The following CDC25C variants were observed in gnomAD, a reference collection of about 807,000 sequenced individuals.
The protein encoded by CDC25C is cell division cycle 25C.
Under a neutral mutation model 52.5 loss-of-function variants are expected in CDC25C, and 48 were observed. The observed-to-expected ratio is 0.91, with a 90% confidence interval of 0.72 to 1.16. The LOEUF is 1.16. Ranked by LOEUF, CDC25C falls within the 50% of genes most tolerant of loss-of-function variation. CDC25C has a pLI of 0.00. For synonymous variants in CDC25C, 187 were observed against 206.5 expected, an observed-to-expected ratio of 0.91 and a Z score of 0.81; for missense variants, 510 against 566.1, an observed-to-expected ratio of 0.90 and a Z score of 1.01.
intron 4 of CDC25C, among the ~76,000 whole-genome samples, chr5:138,327,523 C>T (rs1181301508): frequency 1.3e-5 from 2 of 151,876 alleles, no homozygotes; most frequent in East Asian, 3.9e-4. Context: ...GTAATCCCAG[C>T]TACTCGGGAG....
At chr5:138,295,323 T>G (rs1190977536) in intron 7 of CDC25C, among the ~76,000 whole-genome samples, 1 of 152,132 alleles carries the variant, frequency 6.6e-6, no homozygotes, top group African/African-American at 2.4e-5. Context: ...AAACAGCTAC[T>G]TCAGCGGCCA....
At chr5:138,328,886 CAT>C (rs973875581) in intron 3 of CDC25C, 2 of 184,544 alleles carry the variant, frequency 1.1e-5, no homozygotes, top group Admixed American at 1.1e-4. Context: ...TCATATAAAA[CAT>C]ATAAAAATTA....
chr5:138,286,359 A>C, intron 12 of CDC25C, 138 bp downstream of exon 12: 1 of 1,049,688 alleles, frequency 9.5e-7, no homozygotes, highest in Non-Finnish European at 1.4e-6. Context: ...CAAACTTTTC[A>C]ATTTTAGAAA....
intron 7 of CDC25C, among the ~76,000 whole-genome samples, chr5:138,292,712 A>C (rs1756853073): frequency 6.6e-6 from 1 of 152,230 alleles, no homozygotes; most frequent in Non-Finnish European, 1.5e-5. Flanking sequence ...CTCAAACGTC[A>C]TGAAGAACTA....
chr5:138,302,279 G>A (rs191928511), intron 7 of CDC25C, among the ~76,000 whole-genome samples: 2 of 151,956 alleles, frequency 1.3e-5, no homozygotes, highest in East Asian at 2.0e-4. Flanking sequence ...TTACAGGCAT[G>A]AGCCACCGTG....
intron 7 of CDC25C, among the ~76,000 whole-genome samples, chr5:138,316,937 C>T (rs144755037): frequency 9.4e-4 from 143 of 152,186 alleles, no homozygotes; most frequent in Middle Eastern, 6.8e-3. Context: ...CTTACCTCGA[C>T]GCAGGACAAC....
chr5:138,336,104 G>A (rs755392219), upstream of CDC25C, among the ~76,000 whole-genome samples: 30 of 150,224 alleles, frequency 2.0e-4, no homozygotes, highest in African/African-American at 5.1e-4. Flanking sequence ...GTTCACACCT[G>A]GAATCCCAGC....
chr5:138,286,619 G>A lies in CDC25C; in HGVS notation c.1038C>T (p.Asn346=), dbSNP rs1756261833. ...YLGGHIQGAL[N]LYSQEELFNF... ...TAAACAGTTCTTCCTGACTATATAA[G>A]TTTAAGGCTCCCTGTAGAAGAAGAA... is the stretch of plus-strand genomic sequence containing the variant. The change falls in exon 12 of 14, where the codon AAC becomes AAT. Residue 346 remains asparagine, a synonymous_variant. Transcript: ENST00000323760. The A allele has an allele frequency of 1.9e-6, 3 of 1,611,636 alleles. No homozygotes were observed. In the East Asian group the frequency reaches 6.7e-5, roughly 36 times the overall value.
chr5:138,286,050 C>T lies in CDC25C; in HGVS notation c.1244G>A (p.Gly415Asp), dbSNP rs536813123. ...YYPELYILKGGYRDFFPEYME... is the reference protein window; with the variant it reads ...YYPELYILKGDYRDFFPEYME... ...ATATTCTGGAAAGAAGTCTCTGTAG[C>T]CGCCTTTAAGGATATATAGCTCTGG... Residue 415 changes from glycine to aspartate, a missense_variant, in exon 13 of 14, where the codon GGC becomes GAC. By Grantham distance (94) the Gly-to-Asp change is moderately conservative. Coordinates refer to ENST00000323760, the MANE Select transcript of CDC25C (RefSeq NM_001790.5). 1 of 1,613,758 alleles carries T rather than the reference C, an allele frequency of 6.2e-7. No individual in the cohort carries two copies. The highest frequency in any genetic ancestry group is 8.5e-7 in the Non-Finnish European group (1 of 1,179,682).
rs563941089 is a variant in CDC25C at position 138,304,803 on chromosome 5, C to T, written c.616-12687G>A. On this transcript the variant is annotated intron_variant, in intron 7 of 13. Transcript: ENST00000323760. ...GATTACAGGTGAAAGCCAAACCACC[C>T]GTTGACTTCCAACTCTTAATCCTTT... 2.2e-4 allele frequency among the ~76,000 whole-genome samples: 33 copies of T among 152,168 alleles called. 1 individual carries two copies. The Middle Eastern group carries it at 0.014, about 63-fold the overall frequency.
intron 6 of CDC25C, among the ~76,000 whole-genome samples, chr5:138,323,830 C>T (rs767971940): frequency 5.3e-5 from 8 of 151,688 alleles, no homozygotes; most frequent in Non-Finnish European, 7.4e-5. Flanking sequence ...TGGTGCCACA[C>T]GCCTGTAGTC....
At chr5:138,317,478 G>C (rs1758968754) in intron 7 of CDC25C, among the ~76,000 whole-genome samples, 1 of 151,924 alleles carries the variant, frequency 6.6e-6, no homozygotes. Context: ...CCAGGAGTTT[G>C]AGACTAGCCT....
At chr5:138,337,801 G>C (rs1342193016) in intron 1 of CDC25C, 2 of 432,210 alleles carry the variant, frequency 4.6e-6, no homozygotes, top group East Asian at 1.5e-4. Context: ...TTTGCTGGGG[G>C]AAGGGGGATT....
Position 138,313,999 on chromosome 5 carries a change from T to C in CDC25C, c.615+5220A>G, listed in dbSNP as rs13169513. ...TCTTTCTTTCTTTCTTTCTTTCTTTTTTTTTTTTTTTTGAGATGGAGTCTT... is the reference window on the plus strand; with the variant it reads ...TCTTTCTTTCTTTCTTTCTTTCTTTCTTTTTTTTTTTTGAGATGGAGTCTT... On this transcript the variant is annotated intron_variant, in intron 7 of 13. Coordinates refer to ENST00000323760, the MANE Select transcript of CDC25C (RefSeq NM_001790.5). Among the ~76,000 whole-genome samples, 23 of 8,246 alleles carry C rather than the reference T, an allele frequency of 2.8e-3. No individual in the cohort carries two copies. The South Asian group carries it at 0.047, about 17-fold the overall frequency. The allele number at this position is 8,246 out of a possible 152,430, so 5.4% of individuals were successfully genotyped here.
chr5:138,301,275 G>A (rs1757607780), intron 7 of CDC25C, among the ~76,000 whole-genome samples: 1 of 152,120 alleles, frequency 6.6e-6, no homozygotes, highest in Non-Finnish European at 1.5e-5. Flanking sequence ...CATCACTATG[G>A]ATTCTACAGA....
At chr5:138,329,707 A>G in intron 2 of CDC25C, 60 bp from the exon 3 acceptor site, 1 of 935,332 alleles carries the variant, frequency 1.1e-6, no homozygotes. Context: ...TTAAAAGTCA[A>G]AGATCATGTC....
At chr5:138,294,193 A>C (rs1357533321) in intron 7 of CDC25C, among the ~76,000 whole-genome samples, 1 of 116,950 alleles carries the variant, frequency 8.6e-6, no homozygotes, top group Non-Finnish European at 1.9e-5. Flanking sequence ...TGCTTGGCTA[A>C]TTTTTTTTTT....
chr5:138,322,755 G>A (rs1478847860), intron 6 of CDC25C, among the ~76,000 whole-genome samples: 2 of 151,132 alleles, frequency 1.3e-5, no homozygotes, highest in East Asian at 2.0e-4. Flanking sequence ...AATTACAGGC[G>A]TGAGCCACCG....
intron 10 of CDC25C, 166 bp downstream of exon 10, chr5:138,289,335 G>A: frequency 1.7e-6 from 1 of 577,166 alleles, no homozygotes; most frequent in Non-Finnish European, 3.1e-6. Context: ...GAAGGAGAGA[G>A]AAGAATGGGG....
Sources: allele counts gnomAD v4.1 joint callset (sites outside exome capture counted in the v4.1 genomes callset), GRCh38; gene constraint gnomAD v4.1.1; transcripts MANE v1.5; gene names NCBI Gene and HGNC (gene_info 2026-07-23, HGNC 2026-07-21).